Variants in DCP2 observed in about 807,000 individuals in gnomAD.
DCP2 encodes decapping mRNA 2.
Under a neutral mutation model 56.1 loss-of-function variants are expected in DCP2, and 30 were observed. That is an observed-to-expected ratio of 0.53 (90% CI 0.40 to 0.73). The LOEUF is 0.73. Ranked by LOEUF, DCP2 falls within the 30% of genes least tolerant of loss-of-function variation. The probability of loss-of-function intolerance (pLI) is 0.00; values close to 1 mark genes in which losing one functional copy is unlikely to be tolerated. For missense variants in DCP2, 533 were observed against 502.7 expected (o/e 1.06, Z -0.58); for synonymous variants, 197 against 163.3 (o/e 1.21, Z -1.57).
intron 4 of DCP2, among the ~76,000 whole-genome samples, chr5:112,997,467 T>C (rs754748014): frequency 3.3e-5 from 5 of 152,222 alleles, no homozygotes; most frequent in African/African-American, 4.8e-5. Flanking sequence ...TGTGCACTTA[T>C]ATAATTTAAT....
At position 112,992,129 on chromosome 5, in the gene DCP2, C is replaced by A; in HGVS notation, c.214C>A (p.His72Asn). 6.2e-7 allele frequency: 1 copy of A among 1,613,780 alleles called. No homozygotes were observed. Among genetic ancestry groups the A allele is most frequent in the South Asian group, 1.1e-5 (1 of 90,966 alleles). Reference protein sequence around the residue: ...IRDFAKAVFSHCPFLLPQGED... With the variant: ...IRDFAKAVFSNCPFLLPQGED... ...CTTGACACTATTTATACTCTTCAGT[C>A]ATTGTCCGTTTTTGCTGCCTCAAGG... is the stretch of plus-strand genomic sequence containing the variant. The change falls in exon 3 of 11, where the codon CAT (histidine) becomes AAT (asparagine). Residue 72 changes from histidine to asparagine, a missense_variant. Physicochemically the swap from His to Asn is moderately conservative, Grantham distance 68. Around this residue, in one of 3 missense-constraint regions of DCP2, gnomAD observed 137 missense variants for 138.2 expected, o/e 0.99. Coordinates refer to ENST00000389063, the MANE Select transcript of DCP2 (RefSeq NM_152624.6).
intron 1 of DCP2, among the ~76,000 whole-genome samples, chr5:112,980,372 G>T (rs1747946019): frequency 6.6e-6 from 1 of 152,182 alleles, no homozygotes; most frequent in Admixed American, 6.5e-5. Context: ...TAAATAATTT[G>T]TGCTCATCTT....
At chr5:112,991,198 G>C (rs1399961885) in intron 2 of DCP2, among the ~76,000 whole-genome samples, 3 of 152,120 alleles carry the variant, frequency 2.0e-5, no homozygotes, top group African/African-American at 7.2e-5. Flanking sequence ...TTGCATGTTA[G>C]AGTAATATCA....
intron 8 of DCP2, among the ~76,000 whole-genome samples, chr5:113,005,193 CTT>C (rs1407074248): frequency 1.4e-5 from 2 of 143,186 alleles, no homozygotes; most frequent in South Asian, 2.2e-4. Context: ...CAAAATTAAA[CTT>C]TTGTGCTTCA....
intron 2 of DCP2, among the ~76,000 whole-genome samples, chr5:112,990,857 C>G (rs969474280): frequency 1.3e-5 from 2 of 149,856 alleles, no homozygotes; most frequent in African/African-American, 4.9e-5. Context: ...ATGTAAAATT[C>G]AAATTAATAA....
At position 112,996,960 on chromosome 5, in the gene DCP2, G is replaced by C. The variant is rs117980094; in HGVS notation, c.433-4124G>C. 1.4e-3 allele frequency among the ~76,000 whole-genome samples: 206 copies of C among 152,278 alleles called. 7 individuals carry two copies. The East Asian group carries it at 0.035, about 26-fold the overall frequency. Reference sequence around the variant, plus strand: ...CTGAGCAAAGGAGGTAGGCTTTAAAGACAGAAAAGAGCTGAGGAAAGCAGA... The same window carrying C: ...CTGAGCAAAGGAGGTAGGCTTTAAACACAGAAAAGAGCTGAGGAAAGCAGA... On this transcript the variant is annotated intron_variant, in intron 4 of 10. Transcript: ENST00000389063.
In DCP2 at chr5:113,021,428, G is replaced by C. The variant is rs994352547; in HGVS notation, c.*7944G>C. ...AACCCCCAGGAAGAAATATTGTCGA[G>C]AGTCTCTGCAAAAATGAAAATACCT... On this transcript the variant is annotated 3_prime_UTR_variant, in exon 11 of 11. Transcript: ENST00000389063. Among the ~76,000 whole-genome samples, 3 of 147,866 alleles carry C rather than the reference G, an allele frequency of 2.0e-5. No homozygotes were observed. Among genetic ancestry groups the C allele is most frequent in the Admixed American group, 2.0e-4 (3 of 14,856 alleles).
chr5:112,997,052 C>T (rs902412171), intron 4 of DCP2, among the ~76,000 whole-genome samples: 6 of 152,196 alleles, frequency 3.9e-5, no homozygotes, highest in Non-Finnish European at 7.3e-5. Context: ...GCAGAGGGGA[C>T]TTCCTTATCA....
intron 5 of DCP2, 57 bp downstream of exon 5, chr5:113,001,293 G>A (rs1749166888): frequency 6.3e-7 from 1 of 1,597,782 alleles, no homozygotes; most frequent in Non-Finnish European, 8.5e-7. Flanking sequence ...AATAAGTAGG[G>A]AAATCCTTTT....
rs143862732 is a variant in DCP2 at position 112,990,333 on chromosome 5, T to C, written c.206-1788T>C. On this transcript the variant is annotated intron_variant, in intron 2 of 10. Coordinates refer to ENST00000389063, the MANE Select transcript of DCP2 (RefSeq NM_152624.6). Reference sequence around the variant, plus strand: ...TGCCTCTGTTTTCTCTTTTGTAAATTATGCATAGTCTTTGATTTTTTTTCC... The same window carrying C: ...TGCCTCTGTTTTCTCTTTTGTAAATCATGCATAGTCTTTGATTTTTTTTCC... 2.1e-3 allele frequency among the ~76,000 whole-genome samples: 323 copies of C among 152,344 alleles called. 1 individual carries two copies. Among genetic ancestry groups the C allele is most frequent in the Non-Finnish European group, 3.2e-3 (221 of 68,026 alleles).
intron 7 of DCP2, among the ~76,000 whole-genome samples, chr5:113,003,075 C>T (rs879930900): frequency 1.3e-5 from 2 of 152,046 alleles, no homozygotes; most frequent in Non-Finnish European, 2.9e-5. Context: ...AGTAGCATTC[C>T]ATTTTAGATG....
intron 4 of DCP2, among the ~76,000 whole-genome samples, chr5:113,000,224 C>T (rs937501759): frequency 5.9e-5 from 9 of 152,202 alleles, no homozygotes; most frequent in African/African-American, 1.7e-4. Context: ...TCCCAAAGTA[C>T]TGAGATTGCA....
chr5:112,998,484 T>C lies in DCP2; in HGVS notation c.433-2600T>C, dbSNP rs548367454. Among the ~76,000 whole-genome samples the C allele has an allele frequency of 5.9e-5, 9 of 152,306 alleles. 2 individuals are homozygous for C. The East Asian group carries it at 1.7e-3, about 29-fold the overall frequency. On this transcript the variant is annotated intron_variant, in intron 4 of 10. Coordinates refer to ENST00000389063, the MANE Select transcript of DCP2 (RefSeq NM_152624.6). Reference sequence around the variant, plus strand: ...ATAATACTTATATCATATTAAAATTTTTTCTGTTGTAGACTGAACTCCTTA... The same window carrying C: ...ATAATACTTATATCATATTAAAATTCTTTCTGTTGTAGACTGAACTCCTTA...
chr5:112,996,802 T>C (rs959216899), intron 4 of DCP2, among the ~76,000 whole-genome samples: 1 of 152,366 alleles, frequency 6.6e-6, no homozygotes, highest in East Asian at 1.9e-4. Flanking sequence ...TTCTGGATAG[T>C]TTATTCAGTG....
At chr5:112,996,062 A>T (rs1220436203) in intron 4 of DCP2, among the ~76,000 whole-genome samples, 1 of 152,178 alleles carries the variant, frequency 6.6e-6, no homozygotes, top group African/African-American at 2.4e-5. Flanking sequence ...ACTTCCTCAC[A>T]GCCCTATCTC....
Position 112,976,949 on chromosome 5 carries a change from G to A in DCP2, c.16G>A (p.Val6Met), listed in dbSNP as rs1747733733. The A allele has an allele frequency of 6.2e-7, 1 of 1,602,490 alleles. No individual in the cohort carries two copies. The highest frequency in any genetic ancestry group is 8.5e-7 in the Non-Finnish European group (1 of 1,171,652). The change falls in exon 1 of 11, where the codon GTG (valine) becomes ATG (methionine). Residue 6 changes from valine (V) to methionine (M), a missense_variant. This residue lies in a region of DCP2 where 137 missense variants were observed against 138.2 expected (regional missense o/e 0.99). Transcript: ENST00000389063. METKR[V>M]EIPGSVLDDL... ...GGTCCTCATCATGGAGACCAAACGG[G>A]TGGAGATTCCCGGCAGCGTCCTGGA...
intron 4 of DCP2, among the ~76,000 whole-genome samples, chr5:112,999,300 CAT>C (rs1479370366): frequency 2.0e-5 from 3 of 151,972 alleles, no homozygotes; most frequent in South Asian, 4.1e-4. Flanking sequence ...AATTAAGAAA[CAT>C]ATAAAAATTA....
At chr5:112,981,881 C>T (rs1369071126) in intron 1 of DCP2, among the ~76,000 whole-genome samples, 1 of 152,182 alleles carries the variant, frequency 6.6e-6, no homozygotes, top group East Asian at 1.9e-4. Context: ...AGCGATTCTC[C>T]TGCCTCATCC....
At chr5:113,012,200 A>G (rs936576710) in intron 10 of DCP2, among the ~76,000 whole-genome samples, 11 of 152,162 alleles carry the variant, frequency 7.2e-5, no homozygotes, top group African/African-American at 2.7e-4. Flanking sequence ...TGTCTCTACA[A>G]AAATTAAAAA....
Sources: allele counts gnomAD v4.1 joint callset (sites outside exome capture counted in the v4.1 genomes callset), GRCh38; gene constraint gnomAD v4.1.1; regional missense constraint gnomAD v4.1.1; transcripts MANE v1.5; gene names NCBI Gene and HGNC (gene_info 2026-07-23, HGNC 2026-07-21).